The following HMGCLL1 variants were observed in gnomAD, a reference collection of about 807,000 sequenced individuals.
HMGCLL1 encodes the protein 3-hydroxymethyl-3-methylglutaryl-CoA lyase, cytoplasmic.
Under a neutral mutation model 39.1 loss-of-function variants are expected in HMGCLL1, and 36 were observed. That is an observed-to-expected ratio of 0.92 (90% CI 0.71 to 1.22). HMGCLL1 has a LOEUF of 1.22. Ranked by LOEUF, HMGCLL1 falls within the 50% of genes most tolerant of loss-of-function variation. The pLI is 0.00. For missense variants in HMGCLL1, 451 were observed against 416.5 expected, an observed-to-expected ratio of 1.08 and a Z score of -0.72; for synonymous variants, 149 against 144.0, an observed-to-expected ratio of 1.03 and a Z score of -0.25.
chr6:55,564,917 G>A (rs1771141141), intron 1 of HMGCLL1, among the ~76,000 whole-genome samples: 1 of 151,752 alleles, frequency 6.6e-6, no homozygotes, highest in African/African-American at 2.4e-5. Context: ...GATTCATTCA[G>A]GTTTTTCCAC....
At chr6:55,585,403 C>T in the HMGCLL1 span, among the ~76,000 whole-genome samples, 1 of 152,114 alleles carries the variant, frequency 6.6e-6, no homozygotes, top group East Asian at 1.9e-4. Flanking sequence ...ATATTTTTTG[C>T]CAACAGATAT....
At chr6:55,526,782 A>C (rs115489227) in intron 3 of HMGCLL1, among the ~76,000 whole-genome samples, 1,634 of 152,180 alleles carry the variant, frequency 0.011, 28 homozygotes, top group African/African-American at 0.037. Flanking sequence ...ACTCCTTTCT[A>C]AATTGCAATC....
chr6:55,528,843 T>A (rs1768473261), intron 3 of HMGCLL1, among the ~76,000 whole-genome samples: 2 of 152,096 alleles, frequency 1.3e-5, no homozygotes, highest in South Asian at 4.1e-4. Context: ...CCTACACGTC[T>A]CAAGAGTGAC....
At chr6:55,583,254 T>C (rs575005890), upstream of HMGCLL1, among the ~76,000 whole-genome samples, 7 of 152,086 alleles carry the variant, frequency 4.6e-5, no homozygotes, top group Non-Finnish European at 1.0e-4. Context: ...TGCAGGTTTG[T>C]TACATATGTA....
chr6:55,475,028 C>T (rs1326098240), intron 7 of HMGCLL1, among the ~76,000 whole-genome samples: 1 of 151,498 alleles, frequency 6.6e-6, no homozygotes, highest in Non-Finnish European at 1.5e-5. Context: ...GATTAAATTT[C>T]AGACTTGTAG....
chr6:55,610,548 C>T, the HMGCLL1 span, among the ~76,000 whole-genome samples: 1 of 151,894 alleles, frequency 6.6e-6, no homozygotes, highest in Non-Finnish European at 1.5e-5. Flanking sequence ...AAAGACTGAA[C>T]CTATGACTGA....
chr6:55,630,699 C>T, the HMGCLL1 span, among the ~76,000 whole-genome samples: 5 of 151,948 alleles, frequency 3.3e-5, no homozygotes, highest in Non-Finnish European at 7.4e-5. Context: ...CACTACTCTC[C>T]TGACAGTGAG....
intron 7 of HMGCLL1, among the ~76,000 whole-genome samples, chr6:55,450,027 G>A (rs564879021): frequency 6.6e-6 from 1 of 152,100 alleles, no homozygotes; most frequent in South Asian, 2.1e-4. Flanking sequence ...GAAGGAACTT[G>A]GCTAGAATAA....
At chr6:55,599,838 G>C in the HMGCLL1 span, among the ~76,000 whole-genome samples, 1 of 152,258 alleles carries the variant, frequency 6.6e-6, no homozygotes, top group East Asian at 1.9e-4. Context: ...CTGTATAAAA[G>C]TGATGCAAGT....
At chr6:55,514,360 A>G (rs1352011632) in intron 4 of HMGCLL1, among the ~76,000 whole-genome samples, 164 bp from the exon 5 acceptor site, 2 of 152,170 alleles carry the variant, frequency 1.3e-5, no homozygotes, top group African/African-American at 4.8e-5. Context: ...TATTCTTTCG[A>G]AATGTAAAAA....
At chr6:55,500,818 A>G (rs1766844234) in intron 5 of HMGCLL1, among the ~76,000 whole-genome samples, 1 of 152,002 alleles carries the variant, frequency 6.6e-6, no homozygotes, top group African/African-American at 2.4e-5. Flanking sequence ...AAGTTTTAAT[A>G]CAAATGTAAT....
chr6:55,674,267 C>T, the HMGCLL1 span, among the ~76,000 whole-genome samples: 10 of 151,678 alleles, frequency 6.6e-5, no homozygotes, highest in African/African-American at 2.4e-4. Context: ...CTCATTCTGG[C>T]CTTTATTTAC....
At chr6:55,610,685 C>T in the HMGCLL1 span, among the ~76,000 whole-genome samples, 8,803 of 151,872 alleles carry the variant, frequency 0.058, 437 homozygotes, top group Non-Finnish European at 0.082. Context: ...ATCCAGAGGA[C>T]GCAAGTAAGA....
At chr6:55,624,401 A>G in the HMGCLL1 span, among the ~76,000 whole-genome samples, 2 of 152,170 alleles carry the variant, frequency 1.3e-5, no homozygotes, top group African/African-American at 4.8e-5. Context: ...TTGACTTGAC[A>G]AATATCTTTT....
intron 3 of HMGCLL1, among the ~76,000 whole-genome samples, chr6:55,527,015 G>A (rs530592950): frequency 1.3e-5 from 2 of 152,144 alleles, no homozygotes; most frequent in East Asian, 3.9e-4. Context: ...GAGTGCAAAA[G>A]CTGGGCAGGG....
At chr6:55,667,759 C>T in the HMGCLL1 span, among the ~76,000 whole-genome samples, 17 of 151,840 alleles carry the variant, frequency 1.1e-4, no homozygotes, top group African/African-American at 2.7e-4. Context: ...AATCAAAACA[C>T]GTAAAATACC....
the HMGCLL1 span, among the ~76,000 whole-genome samples, chr6:55,619,968 G>A: frequency 1.3e-5 from 2 of 151,976 alleles, no homozygotes; most frequent in Non-Finnish European, 2.9e-5. Context: ...GGCTTATATC[G>A]CTTAACATAA....
At chr6:55,656,965 G>T in the HMGCLL1 span, among the ~76,000 whole-genome samples, 1 of 151,910 alleles carries the variant, frequency 6.6e-6, no homozygotes, top group African/African-American at 2.4e-5. Context: ...AATATATTTT[G>T]AAAGAAAAGA....
At position 55,435,613 on chromosome 6, in the gene HMGCLL1, T is replaced by A. The variant is rs201009734; in HGVS notation, c.*49A>T. ...GGCATTAATGATTTTCAGATGAGTA[T>A]TGTAGCTGAAATTGATCTTCTCAAC... On this transcript the variant is annotated 3_prime_UTR_variant, in exon 9 of 9. Coordinates refer to ENST00000274901, the MANE Select transcript of HMGCLL1 (RefSeq NM_001042406.2). The A allele has an allele frequency of 9.7e-7, 1 of 1,032,052 alleles. No individual in the cohort carries two copies. Among genetic ancestry groups the A allele is most frequent in the African/African-American group, 1.6e-5 (1 of 62,014 alleles). The allele number at this position is 1,032,052 out of a possible 1,614,324, so 63.9% of individuals were successfully genotyped here.
Sources: gnomAD v4.1 joint callset for allele counts (sites outside exome capture counted in the v4.1 genomes callset) on GRCh38, gnomAD v4.1.1 for gene constraint, MANE v1.5 for transcripts, NCBI Gene and HGNC (gene_info 2026-07-23, HGNC 2026-07-21) for gene names.